Variants in ERMP1 observed in about 807,000 individuals in gnomAD.
ERMP1 encodes Felix-ina.
A neutral mutation model predicts 92.0 loss-of-function variants in ERMP1; 86 were observed. The observed-to-expected ratio is 0.93, with a 90% confidence interval of 0.79 to 1.12. The LOEUF is 1.12. Among genes scored for constraint, ERMP1 ranks in the 50% most tolerant of loss-of-function variants. ERMP1 has a pLI of 0.00. For missense variants in ERMP1, 1,342 were observed against 1,116.3 expected, an observed-to-expected ratio of 1.20 and a Z score of -2.88; for synonymous variants, 530 against 412.8, an observed-to-expected ratio of 1.28 and a Z score of -3.44.
chr9:5,861,195 G>GTA (rs1554630210), intron 5 of ERMP1, among the ~76,000 whole-genome samples: 59 of 107,974 alleles, frequency 5.5e-4, no homozygotes, highest in African/African-American at 1.4e-3. Flanking sequence ...GTGTGTGTGT[G>GTA]TGTGTGTGTG....
intron 5 of ERMP1, 100 bp downstream of exon 5, chr9:5,812,789 T>C: frequency 7.6e-7 from 1 of 1,311,222 alleles, no homozygotes; most frequent in Non-Finnish European, 1.1e-6. Flanking sequence ...ATAAAGAATT[T>C]GATCTCAGAA....
At chr9:5,788,726 C>G (rs2131195159) in intron 13 of ERMP1, among the ~76,000 whole-genome samples, 1 of 152,026 alleles carries the variant, frequency 6.6e-6, no homozygotes, top group South Asian at 2.1e-4. Flanking sequence ...AACCATGAAG[C>G]AGGAGAAAAT....
chr9:5,844,016 G>A (rs962272904), intron 6 of ERMP1, among the ~76,000 whole-genome samples: 4 of 152,154 alleles, frequency 2.6e-5, no homozygotes, highest in African/African-American at 9.7e-5. Context: ...AATTTGAGGG[G>A]TAATGTTCTG....
chr9:5,836,345 G>T (rs1057147862), upstream of ERMP1, among the ~76,000 whole-genome samples: 4 of 152,190 alleles, frequency 2.6e-5, no homozygotes, highest in African/African-American at 9.7e-5. Flanking sequence ...GCTAGCAGAA[G>T]GATGCCTTTT....
At chr9:5,798,350 G>A (rs1358856547) in intron 12 of ERMP1, among the ~76,000 whole-genome samples, 1 of 152,020 alleles carries the variant, frequency 6.6e-6, no homozygotes, top group Non-Finnish European at 1.5e-5. Flanking sequence ...CCGAGTACCT[G>A]GGATTACAGG....
intron 4 of ERMP1, among the ~76,000 whole-genome samples, chr9:5,813,851 A>G (rs1448300107): frequency 1.3e-5 from 2 of 148,494 alleles, no homozygotes; most frequent in African/African-American, 2.5e-5. Context: ...ACATTGTTTT[A>G]TAATTTATAT....
At chr9:5,865,683 C>G (rs1830635823) in intron 5 of ERMP1, among the ~76,000 whole-genome samples, 3 of 148,672 alleles carry the variant, frequency 2.0e-5, no homozygotes, top group African/African-American at 7.4e-5. Context: ...TACTAAAATA[C>G]AAAAATTAGC....
chr9:5,801,284 T>C lies in ERMP1; in HGVS notation c.1959A>G (p.Leu653=). ...TAATTGCACATACCAAAGTTAAAGTTAGCATGGTTTTTTTTGTGCTCTTGG... is the reference window on the plus strand; with the variant it reads ...TAATTGCACATACCAAAGTTAAAGTCAGCATGGTTTTTTTTGTGCTCTTGG... The part of the protein sequence containing the change: ...YLAKSTKKTM[L]TLTLVCAITF... The change falls in exon 11 of 15, where the codon CTA becomes CTG. Residue 653 remains leucine, a synonymous_variant. Coordinates refer to ENST00000339450, the MANE Select transcript of ERMP1 (RefSeq NM_024896.3). The C allele has an allele frequency of 1.2e-6, 2 of 1,613,576 alleles. No individual in the cohort carries two copies. Among genetic ancestry groups the C allele is most frequent in the African/African-American group, 1.3e-5 (1 of 75,024 alleles).
Position 5,810,323 on chromosome 9 carries a change from C to CA in ERMP1, c.1328-93dup, listed in dbSNP as rs1360819765. On this transcript the variant is annotated intron_variant, in intron 7 of 14. Coordinates refer to ENST00000339450, the MANE Select transcript of ERMP1 (RefSeq NM_024896.3). ...AGAGCTAAATGGGCAAACATTAAAA[C>CA]AAAAAACTCCCCACTGTACTTGAAA... 20 of 827,450 alleles carry CA rather than the reference C, an allele frequency of 2.4e-5. No individual in the cohort carries two copies. The Admixed American group carries it at 3.7e-4, about 15-fold the overall frequency. 51.3% of individuals were successfully genotyped at this position (827,450 alleles called of 1,614,324 possible). A position where few individuals can be genotyped will look rare whatever the true frequency, so the allele number is the denominator to read the frequency against.
chr9:5,866,984 T>A (rs1009593104), intron 5 of ERMP1, among the ~76,000 whole-genome samples: 1 of 152,138 alleles, frequency 6.6e-6, no homozygotes, highest in African/African-American at 2.4e-5. Flanking sequence ...GGCAGAAGGA[T>A]TGCTTGAACC....
chr9:5,787,675 A>G (rs755754802), intron 13 of ERMP1, 82 bp from the exon 14 acceptor site: 113 of 1,385,808 alleles, frequency 8.2e-5, no homozygotes, highest in Non-Finnish European at 1.1e-4. Context: ...CAGACTTCAT[A>G]AAGGTTCATG....
rs773323505 is a variant in ERMP1 at position 5,852,992 on chromosome 9, CA to C, written n.3199+6475del. ...GTCTGGGGCCTGAGAATTAAACTGG[CA>C]AAAGACAGATTAACAGGGGAAAAAG... On this transcript the variant is annotated intron_variant and non_coding_transcript_variant, in intron 6 of 6. Coordinates refer to the ERMP1 transcript ENST00000690753. Among the ~76,000 whole-genome samples, 97 of 152,170 alleles carry C rather than the reference CA, an allele frequency of 6.4e-4. 2 individuals carry two copies. Among genetic ancestry groups the C allele is most frequent in the Admixed American group, 2.2e-3 (33 of 15,270 alleles).
At chr9:5,835,811 T>C (rs1830090327), upstream of ERMP1, among the ~76,000 whole-genome samples, 1 of 152,202 alleles carries the variant, frequency 6.6e-6, no homozygotes, top group Admixed American at 6.5e-5. Context: ...ATCTAGAACA[T>C]ATAGGCTTAT....
At chr9:5,818,935 T>G (rs1004149767) in intron 4 of ERMP1, among the ~76,000 whole-genome samples, 6 of 152,210 alleles carry the variant, frequency 3.9e-5, no homozygotes, top group African/African-American at 1.4e-4. Flanking sequence ...TACTAACTTT[T>G]TGCTGATCAA....
rs992915680 is a variant in ERMP1 at position 5,785,129 on chromosome 9, A to G, written c.*2015T>C. ...GAGCATCTTACTACTGACCTTGTAC[A>G]ATACCAAAGCTTCATAATGCTAAAG... is the stretch of plus-strand genomic sequence containing the variant. On this transcript the variant is annotated 3_prime_UTR_variant, in exon 15 of 15. Transcript: ENST00000339450. 3.3e-5 allele frequency: 5 copies of G among 152,198 alleles called. No individual in the cohort carries two copies. The highest frequency in any genetic ancestry group is 6.5e-5 in the Admixed American group (1 of 15,280). 9.4% of individuals were successfully genotyped at this position (152,198 alleles called of 1,614,324 possible).
chr9:5,809,230 C>T (rs1455519818), intron 8 of ERMP1, among the ~76,000 whole-genome samples: 1 of 151,706 alleles, frequency 6.6e-6, no homozygotes, highest in East Asian at 1.9e-4. Flanking sequence ...CCGTGTTAGC[C>T]AGGATGGTCT....
intron 2 of ERMP1, among the ~76,000 whole-genome samples, chr9:5,827,228 A>C (rs1163238722): frequency 6.6e-6 from 1 of 152,246 alleles, no homozygotes; most frequent in South Asian, 2.1e-4. Flanking sequence ...TAGGCCATCC[A>C]CTAAAAGGAT....
At chr9:5,835,252 T>C (rs1263964121), upstream of ERMP1, among the ~76,000 whole-genome samples, 13 of 152,164 alleles carry the variant, frequency 8.5e-5, no homozygotes, top group Admixed American at 6.5e-5. Flanking sequence ...TTGTTGGATA[T>C]CTACTTGTGT....
At chr9:5,836,253 G>A (rs138469030), upstream of ERMP1, among the ~76,000 whole-genome samples, 158 of 152,308 alleles carry the variant, frequency 1.0e-3, no homozygotes, top group African/African-American at 3.6e-3. Context: ...CCAATTTGCC[G>A]TAGAAGAAAA....
Sources: gnomAD v4.1 joint callset for allele counts (sites outside exome capture counted in the v4.1 genomes callset) on GRCh38, gnomAD v4.1.1 for gene constraint, MANE v1.5 for transcripts, NCBI Gene and HGNC (gene_info 2026-07-23, HGNC 2026-07-21) for gene names.